The following EPHA6 variants were observed in gnomAD, a reference collection of about 807,000 sequenced individuals.
EPHA6 encodes ephrin type-A receptor 6.
EPHA6 carries 50 observed loss-of-function variants against 112.0 expected under a neutral mutation model. That is an observed-to-expected ratio of 0.45 (90% CI 0.36 to 0.56). The LOEUF (loss-of-function observed/expected upper bound fraction) is 0.56, where lower values mean the gene tolerates loss of function less well. Among genes scored for constraint, EPHA6 ranks in the 20% least tolerant of loss-of-function variants. The pLI, the probability that EPHA6 is intolerant of heterozygous loss-of-function variation, is 0.00. For missense variants in EPHA6, 1,280 were observed against 1,417.4 expected (o/e 0.90, Z 1.56); for synonymous variants, 529 against 490.7 (o/e 1.08, Z -1.03).
At chr3:96,930,533 T>C (rs1303837206) in intron 2 of EPHA6, among the ~76,000 whole-genome samples, 1 of 152,158 alleles carries the variant, frequency 6.6e-6, no homozygotes, top group African/African-American at 2.4e-5. Flanking sequence ...GTATCATAAT[T>C]GAAGGCTGTG....
rs952947257 is a variant in EPHA6, at chr3:96,886,273, A to C, written c.450+19384A>C. On this transcript the variant is annotated intron_variant, in intron 2 of 17. Transcript: ENST00000389672. Reference sequence around the variant, plus strand: ...ACCTGTCTAGCACTGTCAGTGGAGTATTGAAGTCTCCCACTATTATTGTGT... The same window carrying C: ...ACCTGTCTAGCACTGTCAGTGGAGTCTTGAAGTCTCCCACTATTATTGTGT... 3.3e-5 allele frequency among the ~76,000 whole-genome samples: 5 copies of C among 152,266 alleles called. No individual in the cohort carries two copies. In the East Asian group the frequency reaches 9.7e-4, roughly 29 times the overall value.
Position 96,814,975 on chromosome 3 carries a change from C to A in EPHA6, c.352C>A (p.Pro118Thr). The change falls in exon 1 of 18, where the codon CCA (proline) becomes ACA (threonine). Residue 118 changes from proline to threonine, a missense_variant. By Grantham distance (38) the Pro-to-Thr change is conservative (BLOSUM62 -1). Coordinates refer to ENST00000389672, the MANE Select transcript of EPHA6 (RefSeq NM_001080448.3). ...CTTCTTGCCTCTGCTGACAGCGTGG[C>A]CAGGCGACTGCAGTCACGTCTCCAA... ...GFFLPLLTAW[P>T]GDCSHVSNNQ... 6.5e-7 allele frequency: 1 copy of A among 1,539,148 alleles called. No homozygotes were observed. Among genetic ancestry groups the A allele is most frequent in the Non-Finnish European group, 8.8e-7 (1 of 1,138,792 alleles).
chr3:97,331,907 T>C (rs1294080660), intron 5 of EPHA6, among the ~76,000 whole-genome samples: 2 of 152,186 alleles, frequency 1.3e-5, no homozygotes, highest in Non-Finnish European at 2.9e-5. Context: ...ACTCATTTTA[T>C]GAGGCCAGCA....
rs1488752484 is a variant in EPHA6, at chr3:97,596,902, A to ATATATATATATATATG, written c.2512+4168_2512+4169insATATATATATATGTAT. Among the ~76,000 whole-genome samples, 92 of 114,276 alleles carry ATATATATATATATATG rather than the reference A, an allele frequency of 8.1e-4. 1 individual carries two copies. The highest frequency in any genetic ancestry group is 2.6e-3 in the African/African-American group (88 of 33,252). The allele number at this position is 114,276 out of a possible 152,430, so 75.0% of individuals were successfully genotyped here. ...TATATATATATATATATATATATAT[A>ATATATATATATATATG]TATGTATGTATATATGCCAGATTGG... is the stretch of plus-strand genomic sequence containing the variant. On this transcript the variant is annotated intron_variant, in intron 12 of 17. Coordinates refer to ENST00000389672, the MANE Select transcript of EPHA6 (RefSeq NM_001080448.3).
In EPHA6 at chr3:97,038,085, A is replaced by G. The variant is rs191238480; in HGVS notation, c.1114+50092A>G. Among the ~76,000 whole-genome samples the G allele has an allele frequency of 1.9e-4, 29 of 152,164 alleles. No homozygotes were observed. In the South Asian group the frequency reaches 3.3e-3, roughly 17 times the overall value. On this transcript the variant is annotated intron_variant, in intron 3 of 17. Transcript: ENST00000389672. ...ACATGAGATATGTTTATACATTCAT[A>G]TAATGTACAAATATCAACTCAGAGT...
intron 3 of EPHA6, among the ~76,000 whole-genome samples, chr3:96,998,049 G>T (rs2043488018): frequency 6.6e-6 from 1 of 151,766 alleles, no homozygotes; most frequent in African/African-American, 2.4e-5. Context: ...ACCAAGTTTA[G>T]TCCATATTTT....
intron 2 of EPHA6, among the ~76,000 whole-genome samples, chr3:96,955,511 T>G (rs1460643929): frequency 2.0e-5 from 3 of 152,140 alleles, no homozygotes; most frequent in Non-Finnish European, 4.4e-5. Context: ...GTTACAGAAA[T>G]TAGGTTTGTT....
chr3:97,313,127 C>A (rs1199285317), intron 5 of EPHA6, among the ~76,000 whole-genome samples: 3 of 151,326 alleles, frequency 2.0e-5, no homozygotes, highest in Non-Finnish European at 3.0e-5. Context: ...TCGATGAGAT[C>A]AATATTTTTA....
At chr3:96,976,372 CTATA>C in intron 2 of EPHA6, among the ~76,000 whole-genome samples, 1 of 152,134 alleles carries the variant, frequency 6.6e-6, no homozygotes, top group Non-Finnish European at 1.5e-5. Flanking sequence ...CTATATTTTA[CTATA>C]TAAACTATTA....
Position 97,720,351 on chromosome 3 carries a change from G to T in EPHA6, c.2875G>T (p.Val959Phe). 1 of 1,611,512 alleles carries T rather than the reference G, an allele frequency of 6.2e-7. No homozygotes were observed. The highest frequency in any genetic ancestry group is 8.5e-7 in the Non-Finnish European group (1 of 1,178,950). Reference sequence around the variant, plus strand: ...AAGCGATGCATGGAGCTATGGCATTGTCATGTGGGAGGTCATGTCCTATGG... The same window carrying T: ...AAGCGATGCATGGAGCTATGGCATTTTCATGTGGGAGGTCATGTCCTATGG... ...SASDAWSYGI[V>F]MWEVMSYGER... Residue 959 changes from valine (V) to phenylalanine (F), a missense_variant, in exon 15 of 18, where the codon GTC becomes TTC. By Grantham distance (50) the Val-to-Phe change is conservative (BLOSUM62 -1). Coordinates refer to ENST00000389672, the MANE Select transcript of EPHA6 (RefSeq NM_001080448.3).
At chr3:96,877,108 A>G (rs569039435) in intron 2 of EPHA6, among the ~76,000 whole-genome samples, 6 of 152,218 alleles carry the variant, frequency 3.9e-5, no homozygotes, top group African/African-American at 9.6e-5. Flanking sequence ...TTTAAATAAG[A>G]TATTGTTTAA....
At chr3:97,527,253 G>A (rs953989697) in intron 10 of EPHA6, among the ~76,000 whole-genome samples, 3 of 152,006 alleles carry the variant, frequency 2.0e-5, no homozygotes, top group Non-Finnish European at 4.4e-5. Flanking sequence ...GTTATTTATG[G>A]GTCTGAAGCT....
intron 2 of EPHA6, among the ~76,000 whole-genome samples, chr3:96,962,476 T>C (rs1419864783): frequency 6.7e-6 from 1 of 149,094 alleles, no homozygotes; most frequent in Non-Finnish European, 1.5e-5. Flanking sequence ...CAGTTCTCAC[T>C]GGGAATTGCT....
At chr3:97,133,964 G>A (rs1299170984) in intron 3 of EPHA6, among the ~76,000 whole-genome samples, 4 of 152,000 alleles carry the variant, frequency 2.6e-5, no homozygotes, top group African/African-American at 9.7e-5. Context: ...TAGCAGCTCA[G>A]AGGGTGATTT....
intron 3 of EPHA6, among the ~76,000 whole-genome samples, chr3:97,211,842 A>T (rs964802487): frequency 6.6e-6 from 1 of 152,204 alleles, no homozygotes; most frequent in African/African-American, 2.4e-5. Flanking sequence ...AACCCATGTG[A>T]TCTAGTTTCA....
chr3:97,137,919 C>T (rs1287553747), intron 3 of EPHA6, among the ~76,000 whole-genome samples: 1 of 152,134 alleles, frequency 6.6e-6, no homozygotes, highest in Non-Finnish European at 1.5e-5. Context: ...AGATGACTGA[C>T]TAGATGCAGC....
intron 5 of EPHA6, among the ~76,000 whole-genome samples, chr3:97,281,201 A>ATGTGTG (rs10547257): frequency 7.6e-4 from 107 of 140,564 alleles, no homozygotes; most frequent in African/African-American, 2.3e-3. Flanking sequence ...CAAAGAGTCT[A>ATGTGTG]TGTGTGTGTG....
At chr3:96,956,378 T>C (rs745393000) in intron 2 of EPHA6, among the ~76,000 whole-genome samples, 8 of 152,156 alleles carry the variant, frequency 5.3e-5, no homozygotes, top group Non-Finnish European at 1.2e-4. Context: ...ACTAAGATAA[T>C]GTTAGTCCAG....
chr3:97,585,702 A>G (rs965016111), intron 11 of EPHA6, among the ~76,000 whole-genome samples: 11 of 151,232 alleles, frequency 7.3e-5, no homozygotes, highest in African/African-American at 2.5e-4. Flanking sequence ...GCAGGTAAAG[A>G]GGAAAATACT....
Sources: allele counts gnomAD v4.1 joint callset (sites outside exome capture counted in the v4.1 genomes callset), GRCh38; gene constraint gnomAD v4.1.1; transcripts MANE v1.5; gene names NCBI Gene and HGNC (gene_info 2026-07-23, HGNC 2026-07-21).